GRM1: variants seen among roughly 807,000 people sequenced by gnomAD.
GRM1 encodes the protein glutamate metabotropic receptor 1.
Under a neutral mutation model 90.9 loss-of-function variants are expected in GRM1, and 33 were observed. The ratio of observed to expected loss-of-function variants is 0.36; its 90% CI spans 0.28 to 0.49. The LOEUF is 0.49. Ranked by LOEUF, GRM1 falls within the 20% of genes least tolerant of loss-of-function variation. The pLI is 0.99. For missense variants in GRM1, 1,190 were observed against 1,534.3 expected (o/e 0.78, Z 3.75); for synonymous variants, 700 against 613.2 (o/e 1.14, Z -2.09).
In GRM1 at chr6:146,398,819, A is replaced by G. The variant is rs2114580028; in HGVS notation, c.1780A>G (p.Ile594Val). 2 of 1,613,952 alleles carry G rather than the reference A, an allele frequency of 1.2e-6. No individual in the cohort carries two copies. Among genetic ancestry groups the G allele is most frequent in the South Asian group, 1.1e-5 (1 of 91,076 alleles). The change falls in exon 7 of 8, where the codon ATT becomes GTT. Residue 594 changes from isoleucine to valine, a missense_variant. Transcript: ENST00000282753. ...RYLEWSNIES[I>V]IAIAFSCLGI... is the part of the protein sequence containing the mutation. The stretch of plus-strand genomic sequence containing the variant: ...TCTTGAGTGGAGCAACATCGAATCC[A>G]TTATAGCCATCGCCTTTTCATGCCT...
At chr6:146,218,382 A>G (rs1000202170) in intron 2 of GRM1, among the ~76,000 whole-genome samples, 11 of 152,226 alleles carry the variant, frequency 7.2e-5, no homozygotes, top group African/African-American at 2.7e-4. Flanking sequence ...ATATTTTTGA[A>G]GCAGAAAGTC....
chr6:146,403,942 T>C (rs1192562971), intron 7 of GRM1, among the ~76,000 whole-genome samples: 1 of 152,136 alleles, frequency 6.6e-6, no homozygotes, highest in Admixed American at 6.6e-5. Flanking sequence ...TTTCAAACAT[T>C]TATTATTTCT....
intron 5 of GRM1, among the ~76,000 whole-genome samples, chr6:146,361,535 AAGG>A (rs1775470427): frequency 6.6e-6 from 1 of 152,192 alleles, no homozygotes; most frequent in Non-Finnish European, 1.5e-5. Context: ...AAATGCTGGA[AAGG>A]AGAAGGGAAG....
intron 2 of GRM1, among the ~76,000 whole-genome samples, chr6:146,161,333 G>A (rs565806834): frequency 2.6e-5 from 4 of 152,204 alleles, no homozygotes; most frequent in Admixed American, 6.5e-5. Context: ...AAAATTGTGC[G>A]GTGTGTAATT....
In GRM1 at chr6:146,029,795, C is replaced by T. The variant is rs777166317; in HGVS notation, c.278C>T (p.Pro93Leu). The T allele has an allele frequency of 1.9e-6, 3 of 1,614,112 alleles. No individual in the cohort carries two copies. Among genetic ancestry groups the T allele is most frequent in the Non-Finnish European group, 2.5e-6 (3 of 1,179,992 alleles). The change falls in exon 1 of 8, where the codon CCG becomes CTG. Residue 93 changes from proline (P) to leucine (L), a missense_variant. Physicochemically the swap from Pro to Leu is moderately conservative, Grantham distance 98. Around this residue, in one of 10 missense-constraint regions of GRM1, gnomAD observed 91 missense variants for 95.6 expected, o/e 0.95. Transcript: ENST00000282753. ...FHTLDKINADPVLLPNITLGS... is the reference protein window; with the variant it reads ...FHTLDKINADLVLLPNITLGS... ...ACGTTGGATAAGATCAACGCGGACC[C>T]GGTCCTCCTGCCCAACATCACCCTG...
At chr6:146,341,346 C>G (rs114006471) in intron 3 of GRM1, among the ~76,000 whole-genome samples, 7 of 152,104 alleles carry the variant, frequency 4.6e-5, no homozygotes, top group Admixed American at 4.6e-4. Context: ...ATACATACAG[C>G]GAAGCGGTAG....
chr6:146,158,578 A>G (rs1777602010), intron 1 of GRM1, among the ~76,000 whole-genome samples: 2 of 152,172 alleles, frequency 1.3e-5, no homozygotes, highest in South Asian at 4.1e-4. Flanking sequence ...ACAAGTGAAA[A>G]TCCTCAAACT....
chr6:146,151,098 A>T (rs1777317793), intron 1 of GRM1, among the ~76,000 whole-genome samples: 1 of 152,196 alleles, frequency 6.6e-6, no homozygotes, highest in African/African-American at 2.4e-5. Context: ...GAGGCAAAGT[A>T]GTTGGTTGAC....
At chr6:146,156,248 AT>A (rs1463529735) in intron 1 of GRM1, among the ~76,000 whole-genome samples, 1 of 152,156 alleles carries the variant, frequency 6.6e-6, no homozygotes, top group Non-Finnish European at 1.5e-5. Flanking sequence ...TCTACTAAAA[AT>A]ACAAAAATTA....
rs148054917 is a variant in GRM1, at chr6:146,300,500, G to C, written c.951-4111G>C. ...TTGGAAAATAGCCTCATGAAGAATT[G>C]CTGTATAAAAATATTGAGGGGGAAT... On this transcript the variant is annotated intron_variant, in intron 2 of 7. Coordinates refer to ENST00000282753, the MANE Select transcript of GRM1 (RefSeq NM_001278064.2). Among the ~76,000 whole-genome samples the C allele has an allele frequency of 1.3e-3, 193 of 152,304 alleles. 3 individuals carry two copies. In the East Asian group the frequency reaches 0.033, roughly 26 times the overall value.
intron 1 of GRM1, among the ~76,000 whole-genome samples, chr6:146,093,237 T>A (rs1343706446): frequency 1.3e-5 from 2 of 152,130 alleles, no homozygotes; most frequent in African/African-American, 2.4e-5. Flanking sequence ...TAAATAACTA[T>A]GTAAGATTGG....
At chr6:146,175,108 A>G (rs1038995807) in intron 2 of GRM1, among the ~76,000 whole-genome samples, 4 of 152,242 alleles carry the variant, frequency 2.6e-5, no homozygotes, top group South Asian at 2.1e-4. Context: ...CACTAGGTCC[A>G]GCAATTCAAG....
rs528981365 is a variant in GRM1, at chr6:146,339,349, C to T, written c.1187-12901C>T. Among the ~76,000 whole-genome samples, 8 of 152,298 alleles carry T rather than the reference C, an allele frequency of 5.3e-5. No individual in the cohort carries two copies. The South Asian group carries it at 1.5e-3, about 28-fold the overall frequency. ...TATGTTTAAGGGACTTGAAGAACAT[C>T]TCATAGTTTCAGACTAAAATAATAA... On this transcript the variant is annotated intron_variant, in intron 3 of 7. Coordinates refer to ENST00000282753, the MANE Select transcript of GRM1 (RefSeq NM_001278064.2).
At chr6:146,137,703 G>A (rs749609517) in intron 1 of GRM1, among the ~76,000 whole-genome samples, 1 of 152,090 alleles carries the variant, frequency 6.6e-6, no homozygotes, top group Non-Finnish European at 1.5e-5. Flanking sequence ...AACATTGTTG[G>A]TATTTTGATA....
chr6:146,096,492 A>G (rs1040674312), intron 1 of GRM1, among the ~76,000 whole-genome samples: 2 of 152,136 alleles, frequency 1.3e-5, no homozygotes, highest in Admixed American at 6.6e-5. Flanking sequence ...TACTTATTCC[A>G]CAAATTTCTT....
At chr6:146,140,140 T>C (rs546059122) in intron 1 of GRM1, among the ~76,000 whole-genome samples, 2 of 141,314 alleles carry the variant, frequency 1.4e-5, no homozygotes, top group African/African-American at 5.3e-5. Flanking sequence ...TTTCTTTCTT[T>C]CCTTCCTTCC....
intron 3 of GRM1, among the ~76,000 whole-genome samples, chr6:146,344,302 A>C (rs1476795130): frequency 1.3e-5 from 2 of 152,206 alleles, no homozygotes; most frequent in East Asian, 1.9e-4. Context: ...TGCAGTGCTT[A>C]TATGTCATTC....
upstream of GRM1, among the ~76,000 whole-genome samples, chr6:146,028,273 GTGTGTA>G (rs1363613085): frequency 6.8e-6 from 1 of 147,728 alleles, no homozygotes; most frequent in African/African-American, 2.6e-5. Context: ...GTGTGTGTGT[GTGTGTA>G]TGGGTAAAGA....
intron 3 of GRM1, among the ~76,000 whole-genome samples, chr6:146,341,064 A>G (rs1012818439): frequency 1.3e-5 from 2 of 152,186 alleles, no homozygotes; most frequent in African/African-American, 4.8e-5. Flanking sequence ...CTACCACTGC[A>G]TTTTGTACCC....
Sources: gnomAD v4.1 joint callset for allele counts (sites outside exome capture counted in the v4.1 genomes callset) on GRCh38, gnomAD v4.1.1 for gene constraint, gnomAD v4.1.1 regional missense constraint, MANE v1.5 for transcripts, NCBI Gene and HGNC (gene_info 2026-07-23, HGNC 2026-07-21) for gene names.